Variants in MCM5 observed in about 807,000 individuals in gnomAD.
The protein encoded by MCM5 is minichromosome maintenance complex component 5.
Under a neutral mutation model 79.9 loss-of-function variants are expected in MCM5, and 46 were observed. The ratio of observed to expected loss-of-function variants is 0.58; its 90% confidence interval spans 0.45 to 0.74. The LOEUF is 0.74. Ranked by LOEUF, MCM5 falls within the 30% of genes least tolerant of loss-of-function variation. The pLI is 0.00. For synonymous variants in MCM5, 404 were observed against 390.5 expected, an observed-to-expected ratio of 1.03 and a Z score of -0.41; for missense variants, 883 against 1,017.0, an observed-to-expected ratio of 0.87 and a Z score of 1.79.
chr22:35,402,026 A>G (rs1042255010), intron 2 of MCM5, among the ~76,000 whole-genome samples: 2 of 152,142 alleles, frequency 1.3e-5, no homozygotes, highest in Non-Finnish European at 2.9e-5. Flanking sequence ...CAGGCCTGTG[A>G]TACTGCGAGG....
chr22:35,405,015 G>A (rs1490532674), intron 4 of MCM5, among the ~76,000 whole-genome samples: 1 of 141,220 alleles, frequency 7.1e-6, no homozygotes, highest in Non-Finnish European at 1.5e-5. Context: ...AGCAACTAGA[G>A]GCCAATTTTT....
chr22:35,408,444 G>C lies in MCM5; in HGVS notation c.633G>C (p.Pro211=), dbSNP rs367908521. The C allele has an allele frequency of 5.6e-6, 9 of 1,614,064 alleles. No homozygotes were observed. The Admixed American group carries it at 1.2e-4, about 21-fold the overall frequency. Residue 211 remains proline (P), a synonymous_variant, in exon 6 of 17, where the codon CCG becomes CCC. Transcript: ENST00000216122. ...GGCGCCCCAAATGCCCATTGGACCC[G>C]TACTTCATCATGCCCGACAAATGCA... ...QAGRPKCPLD[P]YFIMPDKCKC...
chr22:35,453,408 A>G, the MCM5 span, among the ~76,000 whole-genome samples: 1 of 145,236 alleles, frequency 6.9e-6, no homozygotes, highest in Admixed American at 6.8e-5. Flanking sequence ...AGACACTGAC[A>G]GAGTGATTCA....
chr22:35,447,788 G>C, the MCM5 span, among the ~76,000 whole-genome samples: 10 of 152,294 alleles, frequency 6.6e-5, no homozygotes, highest in South Asian at 2.1e-3. Context: ...TCTTAAGGAG[G>C]AAACCGTCCA....
chr22:35,406,604 T>C lies in MCM5; in HGVS notation c.475T>C (p.Ser159Pro). 1.2e-6 allele frequency: 2 copies of C among 1,613,764 alleles called. No homozygotes were observed. The highest frequency in any genetic ancestry group is 1.7e-6 in the Non-Finnish European group (2 of 1,180,030). The change falls in exon 5 of 17, where the codon TCT becomes CCT. Residue 159 changes from serine (S) to proline (P), a missense_variant. By Grantham distance (74) the Ser-to-Pro change is moderately conservative. This residue lies in a region of MCM5 where 455 missense variants were observed against 517.5 expected (regional missense o/e 0.88). Coordinates refer to ENST00000216122, the MANE Select transcript of MCM5 (RefSeq NM_006739.4). ...VKIPGIIIAASAVRAKATRIS... is the reference protein window; with the variant it reads ...VKIPGIIIAAPAVRAKATRIS... ...GATCCCTGGCATCATCATCGCGGCC[T>C]CTGCGGTCCGTGCCAAGGCCACCCG...
At chr22:35,430,456 TA>T in the MCM5 span, among the ~76,000 whole-genome samples, 1 of 151,880 alleles carries the variant, frequency 6.6e-6, no homozygotes, top group Non-Finnish European at 1.5e-5. Flanking sequence ...TCTGAACACT[TA>T]ATGCTGTGTT....
At chr22:35,421,639 T>C in intron 15 of MCM5, 179 bp downstream of exon 15, 1 of 794,920 alleles carries the variant, frequency 1.3e-6, no homozygotes, top group Non-Finnish European at 2.1e-6. Flanking sequence ...CCCACCGCTG[T>C]TTCCTCCAAG....
the MCM5 span, among the ~76,000 whole-genome samples, chr22:35,448,719 C>T: frequency 6.6e-6 from 1 of 152,204 alleles, no homozygotes; most frequent in African/African-American, 2.4e-5. Context: ...ATGCCACAAA[C>T]GAACACCCTC....
At position 35,400,524 on chromosome 22, in the gene MCM5, C is replaced by T; in HGVS notation, c.86C>T (p.Ser29Leu). 1 of 1,614,074 alleles carries T rather than the reference C, an allele frequency of 6.2e-7. No individual in the cohort carries two copies. The highest frequency in any genetic ancestry group is 2.2e-5 in the East Asian group (1 of 44,866). ...AQADEGQARK[S>L]QLQRRFKEFL... ...GCCGACGAGGGGCAGGCCCGCAAAT[C>T]GCAGCTGCAGAGGCGCTTCAAGGAG... Residue 29 changes from serine (S) to leucine (L), a missense_variant, in exon 2 of 17, where the codon TCG (serine) becomes TTG (leucine). Around this residue, in one of 3 missense-constraint regions of MCM5, gnomAD observed 455 missense variants for 517.5 expected, o/e 0.88. Transcript: ENST00000216122.
intron 16 of MCM5, 60 bp from the exon 17 acceptor site, chr22:35,424,094 G>C: frequency 8.8e-7 from 1 of 1,137,004 alleles, no homozygotes; most frequent in Non-Finnish European, 1.3e-6. Context: ...GGGGATGTCT[G>C]GGCTCTGTCG....
At chr22:35,432,716 CG>C in the MCM5 span, among the ~76,000 whole-genome samples, 3 of 150,392 alleles carry the variant, frequency 2.0e-5, no homozygotes, top group African/African-American at 4.9e-5. Flanking sequence ...TGTGTGTGTG[CG>C]GGGGGGTGGT....
Position 35,412,513 on chromosome 22 carries a change from G to A in MCM5, c.923G>A (p.Arg308His), listed in dbSNP as rs770164574. The A allele has an allele frequency of 5.2e-6, 8 of 1,546,258 alleles. No individual in the cohort carries two copies. Among genetic ancestry groups the A allele is most frequent in the East Asian group, 2.4e-5 (1 of 42,160 alleles). ...GIQVDTDGSG[R>H]SFAGAVSPQE... is the part of the protein sequence containing the mutation. ...TGCGCCTGCTTTGCCTACCAAGGCC[G>A]CAGCTTTGCTGGGGCCGTGAGCCCC... The change falls in exon 8 of 17, where the codon CGC (arginine) becomes CAC (histidine). Residue 308 changes from arginine to histidine, a missense_variant. Around this residue, in one of 3 missense-constraint regions of MCM5, gnomAD observed 455 missense variants for 517.5 expected, o/e 0.88. Transcript: ENST00000216122.
the MCM5 span, among the ~76,000 whole-genome samples, chr22:35,440,494 G>A: frequency 5.3e-5 from 8 of 152,216 alleles, no homozygotes; most frequent in African/African-American, 1.9e-4. Context: ...TGCTACAGGG[G>A]TTGAGAGGGG....
chr22:35,405,525 C>G (rs969711012), intron 4 of MCM5, among the ~76,000 whole-genome samples: 2 of 151,330 alleles, frequency 1.3e-5, no homozygotes, highest in African/African-American at 4.9e-5. Flanking sequence ...TGCCATCACA[C>G]CTGGCTAATT....
chr22:35,437,404 C>T, the MCM5 span, among the ~76,000 whole-genome samples: 8 of 152,280 alleles, frequency 5.3e-5, no homozygotes, highest in East Asian at 1.5e-3. Context: ...TTGGGTGGGC[C>T]AGCAGCCATC....
At position 35,421,434 on chromosome 22, in the gene MCM5, A is replaced by C. The variant is rs1932692123; in HGVS notation, c.1949A>C (p.Asp650Ala). 4 of 1,614,030 alleles carry C rather than the reference A, an allele frequency of 2.5e-6. No individual in the cohort carries two copies. The African/African-American group carries it at 5.3e-5, about 22-fold the overall frequency. Residue 650 changes from aspartate (D) to alanine (A), a missense_variant, in exon 15 of 17, where the codon GAT becomes GCT. Asp to Ala is a moderately radical substitution (Grantham distance 126). Coordinates refer to ENST00000216122, the MANE Select transcript of MCM5 (RefSeq NM_006739.4). ...CGGCTCTTCCAAGTGTCCACGTTGGATGCTGCCTTGTCCGGTACCCTGTCA... is the reference window on the plus strand; with the variant it reads ...CGGCTCTTCCAAGTGTCCACGTTGGCTGCTGCCTTGTCCGGTACCCTGTCA... ...ALRLFQVSTLDAALSGTLSGV... is the reference protein window; with the variant it reads ...ALRLFQVSTLAAALSGTLSGV...
chr22:35,425,520 G>C (rs1932771459), downstream of MCM5: 1 of 152,142 alleles, frequency 6.6e-6, no homozygotes, highest in African/African-American at 2.4e-5. Flanking sequence ...ACTGTTCGGG[G>C]AAATGGAGAG....
At chr22:35,405,776 G>A (rs368280157) in intron 4 of MCM5, among the ~76,000 whole-genome samples, 2 of 152,014 alleles carry the variant, frequency 1.3e-5, no homozygotes, top group Admixed American at 6.5e-5. Context: ...TTGGGAGGCC[G>A]AGGCCAGTGA....
In MCM5 at chr22:35,413,923, A is replaced by C; in HGVS notation, c.1140A>C (p.Leu380=). The C allele has an allele frequency of 6.2e-7, 1 of 1,614,064 alleles. No homozygotes were observed. Among genetic ancestry groups the C allele is most frequent in the Non-Finnish European group, 8.5e-7 (1 of 1,179,964 alleles). The change falls in exon 9 of 17, where the codon CTA becomes CTC. Residue 380 remains leucine, a synonymous_variant. Coordinates refer to ENST00000216122, the MANE Select transcript of MCM5 (RefSeq NM_006739.4). The stretch of plus-strand genomic sequence containing the variant: ...GAGGAGACATCAACCTGCTGATGCT[A>C]GGGGACCCTGGGACAGCCAAGTCCC... ...TRRGDINLLM[L]GDPGTAKSQL...
Sources: allele counts gnomAD v4.1 joint callset (sites outside exome capture counted in the v4.1 genomes callset), GRCh38; gene constraint gnomAD v4.1.1; regional missense constraint gnomAD v4.1.1; transcripts MANE v1.5; gene names NCBI Gene and HGNC (gene_info 2026-07-23, HGNC 2026-07-21).